The following TBC1D8B variants were observed in gnomAD, a reference collection of about 807,000 sequenced individuals.
TBC1D8B encodes the protein RP11-321G1.1.
A neutral mutation model predicts 82.9 loss-of-function variants in TBC1D8B; 75 were observed. The ratio of observed to expected loss-of-function variants is 0.90; its 90% CI spans 0.75 to 1.10. The LOEUF is 1.10. Ranked by LOEUF, TBC1D8B falls within the 50% of genes least tolerant of loss-of-function variation. The probability of loss-of-function intolerance (pLI) is 0.00; values close to 1 mark genes in which losing one functional copy is unlikely to be tolerated. For synonymous variants in TBC1D8B, 276 were observed against 276.8 expected (o/e 1.00, Z 0.03); for missense variants, 794 against 796.9 (o/e 1.00, Z 0.04).
chrX:106,808,734 G>A lies in TBC1D8B; in HGVS notation c.130+5751G>A, dbSNP rs776069112. Among the ~76,000 whole-genome samples, 3 of 112,246 alleles carry A rather than the reference G, an allele frequency of 2.7e-5. No homozygotes were observed. In the South Asian group the frequency reaches 1.1e-3, roughly 42 times the overall value. On this transcript the variant is annotated intron_variant, in intron 1 of 20. Coordinates refer to ENST00000357242, the MANE Select transcript of TBC1D8B (RefSeq NM_017752.3). ...TTGTCTTGCTGAGTGGTGATAAAGA[G>A]TACATATAACATTGGTTACCTTAGT...
intron 1 of TBC1D8B, chrX:106,814,306 C>T (rs1477658736): frequency 2.9e-5 from 3 of 105,263 alleles, no homozygotes; most frequent in East Asian, 3.0e-4. Flanking sequence ...TGAATAGTGC[C>T]GCAATAAACA....
intron 14 of TBC1D8B, among the ~76,000 whole-genome samples, chrX:106,861,786 G>A (rs753931224): frequency 9.1e-6 from 1 of 110,220 alleles, no homozygotes; most frequent in African/African-American, 3.3e-5. Flanking sequence ...ATATCATGTT[G>A]TTAGCTGATT....
Position 106,826,241 on chromosome X carries a change from A to T in TBC1D8B, c.1035+4A>T. ...TGTAATCATTCCACTACGAGAGGTAATGTAAATTTGGTTACATATCAGTTT... is the reference window on the plus strand; with the variant it reads ...TGTAATCATTCCACTACGAGAGGTATTGTAAATTTGGTTACATATCAGTTT... On this transcript the variant is annotated splice_donor_region_variant and intron_variant, in intron 6 of 20. Transcript: ENST00000357242. 4 of 1,201,623 alleles carry T rather than the reference A, an allele frequency of 3.3e-6. No individual in the cohort carries two copies. Among genetic ancestry groups the T allele is most frequent in the Non-Finnish European group, 4.5e-6 (4 of 888,828 alleles).
chrX:106,849,588 C>T, intron 11 of TBC1D8B: 4 of 893,681 alleles, frequency 4.5e-6, no homozygotes, highest in Non-Finnish European at 5.5e-6. Context: ...ACTCTCATGT[C>T]ACTGATTCAT....
At chrX:106,853,909 T>C (rs1486924166) in intron 13 of TBC1D8B, among the ~76,000 whole-genome samples, 1 of 112,029 alleles carries the variant, frequency 8.9e-6, no homozygotes, top group Non-Finnish European at 1.9e-5. Context: ...TATCACTGGA[T>C]TAAAAGGTGA....
At chrX:106,807,779 A>G (rs1931238649) in intron 1 of TBC1D8B, among the ~76,000 whole-genome samples, 1 of 111,807 alleles carries the variant, frequency 8.9e-6, no homozygotes, top group African/African-American at 3.2e-5. Flanking sequence ...CAGGCTGGGC[A>G]CAGTGGCTCA....
chrX:106,803,072 T>C, intron 1 of TBC1D8B, 89 bp downstream of exon 1: 2 of 1,021,594 alleles, frequency 2.0e-6, no homozygotes, highest in Non-Finnish European at 2.6e-6. Context: ...CGCTACCAGT[T>C]TCCCGATCCT....
intron 7 of TBC1D8B, among the ~76,000 whole-genome samples, chrX:106,836,564 C>T (rs1932180849): frequency 9.2e-6 from 1 of 108,400 alleles, no homozygotes; most frequent in South Asian, 3.9e-4. Context: ...AAGGGATGAA[C>T]TTAAGTGAGT....
At chrX:106,871,392 C>T (rs188507105) in intron 20 of TBC1D8B, among the ~76,000 whole-genome samples, 124 of 111,515 alleles carry the variant, frequency 1.1e-3, no homozygotes, top group Middle Eastern at 9.3e-3. Context: ...TGAATAAGTA[C>T]TTTCTAAAAT....
At chrX:106,854,617 G>C (rs1213102980) in intron 14 of TBC1D8B, among the ~76,000 whole-genome samples, 2 of 110,560 alleles carry the variant, frequency 1.8e-5, no homozygotes, top group Non-Finnish European at 3.8e-5. Flanking sequence ...GGGCTCAAGA[G>C]ATCCTTCTTC....
Position 106,822,171 on chromosome X carries a change from G to T in TBC1D8B, c.555G>T (p.Leu185=), listed in dbSNP as rs1349361993. The change falls in exon 4 of 21, where the codon CTG becomes CTT. Residue 185 remains leucine, a synonymous_variant. Transcript: ENST00000357242. ...QGWLYLSTNF[L]SFYSFLLGSE... ...GGCTTTATCTTAGCACCAACTTTCT[G>T]AGCTTCTATTCTTTTTTGTTGGGAT... The T allele has an allele frequency of 1.7e-6, 2 of 1,205,878 alleles. No individual in the cohort carries two copies. Among genetic ancestry groups the T allele is most frequent in the Non-Finnish European group, 2.2e-6 (2 of 893,581 alleles).
Position 106,873,884 on chromosome X carries a change from G to GT in TBC1D8B, c.3288dup (p.Glu1097Ter), listed in dbSNP as rs766527652. On this transcript the variant is annotated frameshift_variant, in exon 21 of 21. Coordinates refer to ENST00000357242, the MANE Select transcript of TBC1D8B (RefSeq NM_017752.3). LOFTEE classifies it high-confidence loss of function. ...TGTTGAATGAACCAGCATTGGTGAG[G>GT]TTTTTTGAGAAACCCATAGATGTAA... 9.1e-6 allele frequency: 11 copies of GT among 1,210,393 alleles called. No individual in the cohort carries two copies. Among genetic ancestry groups the GT allele is most frequent in the Non-Finnish European group, 1.2e-5 (11 of 895,052 alleles).
intron 10 of TBC1D8B, among the ~76,000 whole-genome samples, chrX:106,841,507 GA>G (rs11390055): frequency 1.8e-5 from 2 of 110,316 alleles, no homozygotes; most frequent in Non-Finnish European, 3.8e-5. Flanking sequence ...AGTAGTTGGA[GA>G]AAAAAAATCA....
Position 106,870,780 on chromosome X carries a change from A to G in TBC1D8B, c.2934A>G (p.Glu978=). ...GGCAAGATGAGCTTTTCAAAAAAGA[A>G]GAAAACATTAAGGATTTACCAAGAA... The part of the protein sequence containing the change: ...SQWQDELFKK[E]ENIKDLPRMN... Residue 978 remains glutamate, a synonymous_variant, in exon 20 of 21, where the codon GAA becomes GAG. Coordinates refer to ENST00000357242, the MANE Select transcript of TBC1D8B (RefSeq NM_017752.3). The G allele has an allele frequency of 3.3e-6, 4 of 1,199,809 alleles. No homozygotes were observed. The Middle Eastern group carries it at 7.0e-4, about 209-fold the overall frequency.
At chrX:106,853,690 T>C (rs757249038) in intron 13 of TBC1D8B, 40 bp downstream of exon 13, 156 of 1,129,018 alleles carry the variant, frequency 1.4e-4, no homozygotes, top group Non-Finnish European at 1.9e-4. Flanking sequence ...GCTAGCATAT[T>C]TAAAATGATT....
intron 10 of TBC1D8B, among the ~76,000 whole-genome samples, chrX:106,844,039 C>A (rs1193542843): frequency 1.8e-5 from 2 of 111,535 alleles, no homozygotes; most frequent in East Asian, 5.6e-4. Flanking sequence ...TATAGAAATA[C>A]AACTGATAAC....
Position 106,827,209 on chromosome X carries a change from G to C in TBC1D8B, c.1075G>C (p.Val359Leu). Reference protein sequence around the residue: ...IDKTNDSSKSVIISIKGKTAF... With the variant: ...IDKTNDSSKSLIISIKGKTAF... ...TAAGACAAATGATTCCAGCAAATCT[G>C]TCATCATTAGCATCAAAGGAAAAAC... The change falls in exon 7 of 21, where the codon GTC becomes CTC. Residue 359 changes from valine to leucine, a missense_variant. Val to Leu is a conservative substitution (Grantham distance 32). Coordinates refer to ENST00000357242, the MANE Select transcript of TBC1D8B (RefSeq NM_017752.3). 1 of 1,210,936 alleles carries C rather than the reference G, an allele frequency of 8.3e-7. No homozygotes were observed. The highest frequency in any genetic ancestry group is 1.1e-6 in the Non-Finnish European group (1 of 895,038).
intron 1 of TBC1D8B, among the ~76,000 whole-genome samples, chrX:106,812,153 A>C (rs1931400766): frequency 8.9e-6 from 1 of 111,962 alleles, no homozygotes; most frequent in African/African-American, 3.2e-5. Context: ...CTATTGAATT[A>C]TTCCAAAATA....
At chrX:106,824,442 C>T in intron 5 of TBC1D8B, among the ~76,000 whole-genome samples, 1 of 110,791 alleles carries the variant, frequency 9.0e-6, no homozygotes, top group South Asian at 3.8e-4. Context: ...TGTGAGCCTC[C>T]CTGCTTTTAT....
Sources: gnomAD v4.1 joint callset for allele counts (sites outside exome capture counted in the v4.1 genomes callset) on GRCh38, gnomAD v4.1.1 for gene constraint, MANE v1.5 for transcripts, NCBI Gene and HGNC (gene_info 2026-07-23, HGNC 2026-07-21) for gene names.